Variants in SMARCA2 observed in about 807,000 individuals in gnomAD.
SMARCA2 encodes the protein SWI/SNF related BAF chromatin remodeling complex subunit ATPase 2, also known as SWI/SNF-related matrix-associated actin-dependent regulator of chromatin subfamily A member 2.
Under a neutral mutation model 199.8 loss-of-function variants are expected in SMARCA2, and 61 were observed. The observed-to-expected ratio is 0.31, with a 90% CI of 0.25 to 0.38. SMARCA2 has a LOEUF of 0.38. SMARCA2 is among the 10% of genes least tolerant of loss of function. The probability of loss-of-function intolerance (pLI) is 1.00; values close to 1 mark genes in which losing one functional copy is unlikely to be tolerated. For missense variants in SMARCA2, 1,344 were observed against 2,012.2 expected (o/e 0.67, Z 6.35); for synonymous variants, 935 against 732.0 (o/e 1.28, Z -4.48).
In SMARCA2 at chr9:2,136,115, C is replaced by G. The variant is rs572491518; in HGVS notation, c.3981+12178C>G. Among the ~76,000 whole-genome samples, 10 of 152,024 alleles carry G rather than the reference C, an allele frequency of 6.6e-5. No homozygotes were observed. The East Asian group carries it at 1.5e-3, about 24-fold the overall frequency. On this transcript the variant is annotated intron_variant, in intron 27 of 33. Transcript: ENST00000349721. Reference sequence around the variant, plus strand: ...TCAGCCTCCCAAAGTGCTGAGATTACAGGCATGAGCCATCGTGCCTGGCAA... The same window carrying G: ...TCAGCCTCCCAAAGTGCTGAGATTAGAGGCATGAGCCATCGTGCCTGGCAA...
chr9:2,126,954 G>A (rs1823724110), intron 27 of SMARCA2, among the ~76,000 whole-genome samples: 1 of 152,100 alleles, frequency 6.6e-6, no homozygotes, highest in African/African-American at 2.4e-5. Context: ...TTTTCCCTGG[G>A]GTGAAGAGAA....
intron 27 of SMARCA2, among the ~76,000 whole-genome samples, chr9:2,154,415 GT>G (rs140298917): frequency 3.9e-5 from 6 of 152,288 alleles, no homozygotes; most frequent in Non-Finnish European, 8.8e-5. Flanking sequence ...GATTTCTTCT[GT>G]TGCTTTATTT....
At chr9:2,173,257 ACT>A (rs1826353836) in intron 29 of SMARCA2, among the ~76,000 whole-genome samples, 2 of 152,012 alleles carry the variant, frequency 1.3e-5, no homozygotes, top group Admixed American at 6.5e-5. Flanking sequence ...GGACAGCTGA[ACT>A]CTCTACTTGG....
At chr9:2,094,657 G>A (rs1457068708) in intron 19 of SMARCA2, among the ~76,000 whole-genome samples, 1 of 152,198 alleles carries the variant, frequency 6.6e-6, no homozygotes, top group Non-Finnish European at 1.5e-5. Context: ...CCATTCAATA[G>A]CTATATCTTT....
Position 2,119,406 on chromosome 9 carries a change from G to C in SMARCA2, c.3685-52G>C, listed in dbSNP as rs542179696. 3.5e-4 allele frequency: 436 copies of C among 1,228,378 alleles called. No homozygotes were observed. The East Asian group carries it at 7.6e-3, about 21-fold the overall frequency. 76.1% of individuals were successfully genotyped at this position (1,228,378 alleles called of 1,614,324 possible). A position where few individuals can be genotyped will look rare whatever the true frequency, so the allele number is the denominator to read the frequency against. Reference sequence around the variant, plus strand: ...TGGAGGACAGATCACTTACTTGTTTGTACCTTGCCCCAGCTGTCCACTGGT... The same window carrying C: ...TGGAGGACAGATCACTTACTTGTTTCTACCTTGCCCCAGCTGTCCACTGGT... On this transcript the variant is annotated intron_variant, in intron 25 of 33. Coordinates refer to ENST00000349721, the MANE Select transcript of SMARCA2 (RefSeq NM_003070.5). The surrounding 1 kb of genome is among the most constrained non-coding windows in gnomAD (Gnocchi z 4.6).
At chr9:2,027,119 A>G (rs949324849) in intron 1 of SMARCA2, among the ~76,000 whole-genome samples, 10 of 152,184 alleles carry the variant, frequency 6.6e-5, no homozygotes, top group Non-Finnish European at 1.3e-4. Flanking sequence ...CACAACTCAA[A>G]CACTGATGAC....
At chr9:2,038,031 T>G (rs772838329) in intron 3 of SMARCA2, among the ~76,000 whole-genome samples, 1 of 152,244 alleles carries the variant, frequency 6.6e-6, no homozygotes, top group Non-Finnish European at 1.5e-5. Flanking sequence ...ATTTCCCATT[T>G]AGATCTCTTA....
rs1202000733 is a variant in SMARCA2 at position 2,047,550 on chromosome 9, G to T, written c.1046+66G>T. 11 of 1,231,902 alleles carry T rather than the reference G, an allele frequency of 8.9e-6. 1 individual carries two copies. Among genetic ancestry groups the T allele is most frequent in the Middle Eastern group, 4.5e-4 (2 of 4,402 alleles). The allele number at this position is 1,231,902 out of a possible 1,614,324, so 76.3% of individuals were successfully genotyped here. A position where few individuals can be genotyped will look rare whatever the true frequency, so the allele number is the denominator to read the frequency against. On this transcript the variant is annotated intron_variant, in intron 5 of 33. Coordinates refer to ENST00000349721, the MANE Select transcript of SMARCA2 (RefSeq NM_003070.5). ...AGCACCTGCCGCCCAAGCCGAGGGG[G>T]GTGAGGCGCCTGCCTCCTTGGTTGG...
intron 28 of SMARCA2, among the ~76,000 whole-genome samples, chr9:2,162,316 T>C (rs527781213): frequency 1.3e-5 from 2 of 152,348 alleles, no homozygotes; most frequent in East Asian, 3.9e-4. Context: ...TAAGACTGTT[T>C]AAAGCAAAAT....
At chr9:2,180,501 G>A (rs1826948532) in intron 29 of SMARCA2, among the ~76,000 whole-genome samples, 1 of 152,152 alleles carries the variant, frequency 6.6e-6, no homozygotes, top group Admixed American at 6.5e-5. Context: ...ATTCTCACAA[G>A]CTCCTAGAAT....
rs1464245892 is a variant in SMARCA2, at chr9:2,094,748, C to T, written c.2884-1909C>T. ...GCTAAATGTGGCTATCCCAGTACAG[C>T]TCTTTTGTGTGTTAAATGAGAGAAG... On this transcript the variant is annotated intron_variant, in intron 19 of 33. Coordinates refer to ENST00000349721, the MANE Select transcript of SMARCA2 (RefSeq NM_003070.5). Among the ~76,000 whole-genome samples the T allele has an allele frequency of 5.3e-5, 8 of 152,200 alleles. No individual in the cohort carries two copies. The South Asian group carries it at 8.3e-4, about 16-fold the overall frequency.
At chr9:2,061,662 C>A (rs1277740375) in intron 9 of SMARCA2, among the ~76,000 whole-genome samples, 1 of 152,122 alleles carries the variant, frequency 6.6e-6, no homozygotes, top group Admixed American at 6.5e-5. Context: ...GTCATCCAGT[C>A]GTCTAGTTAG....
rs117332075 is a variant in SMARCA2 at position 2,050,768 on chromosome 9, G to A, written c.1046+3284G>A. On this transcript the variant is annotated intron_variant, in intron 5 of 33. Coordinates refer to ENST00000349721, the MANE Select transcript of SMARCA2 (RefSeq NM_003070.5). ...TAAAGTGTCACTCAGCTCCTTGAAG[G>A]AACAAAATGTACCAGTGTCATTTTC... Among the ~76,000 whole-genome samples, 15 of 152,230 alleles carry A rather than the reference G, an allele frequency of 9.9e-5. 1 individual carries two copies. In the East Asian group the frequency reaches 2.9e-3, roughly 29 times the overall value.
intron 29 of SMARCA2, among the ~76,000 whole-genome samples, chr9:2,173,964 A>T (rs1042339253): frequency 2.6e-5 from 4 of 152,294 alleles, no homozygotes; most frequent in Admixed American, 1.3e-4. Flanking sequence ...TGCCCTCATT[A>T]CAAATATTGA....
intron 18 of SMARCA2, 29 bp downstream of exon 18, chr9:2,087,100 T>G: frequency 6.2e-7 from 1 of 1,612,572 alleles, no homozygotes; most frequent in African/African-American, 1.3e-5. Context: ...TTTTTTCCAC[T>G]GCATGATAAT....
intron 27 of SMARCA2, among the ~76,000 whole-genome samples, chr9:2,145,357 G>C (rs977412073): frequency 6.6e-6 from 1 of 151,158 alleles, no homozygotes; most frequent in African/African-American, 2.4e-5. Flanking sequence ...ACTATAGAAA[G>C]GAGAGATATT....
intron 9 of SMARCA2, among the ~76,000 whole-genome samples, chr9:2,070,099 A>T (rs2130410189): frequency 6.6e-6 from 1 of 152,192 alleles, no homozygotes; most frequent in East Asian, 1.9e-4. Context: ...CCCAAACACG[A>T]GAAGAACATT....
chr9:2,079,042 C>G (rs1821450221), intron 14 of SMARCA2, among the ~76,000 whole-genome samples: 1 of 152,126 alleles, frequency 6.6e-6, no homozygotes, highest in Non-Finnish European at 1.5e-5. Context: ...ATTACTATTT[C>G]TAACTTGAAT....
chr9:2,179,087 C>T lies in SMARCA2; in HGVS notation c.4254-2484C>T, dbSNP rs76374747. ...GGAAATACTTGGAGAGGAGAAAAAA[C>T]CACAGAGAACTTTCCAGCTATGGAG... On this transcript the variant is annotated intron_variant, in intron 29 of 33. Coordinates refer to ENST00000349721, the MANE Select transcript of SMARCA2 (RefSeq NM_003070.5). 7.3e-3 allele frequency among the ~76,000 whole-genome samples: 1,108 copies of T among 152,272 alleles called. 16 individuals carry two copies. The highest frequency in any genetic ancestry group is 0.026 in the African/African-American group (1,067 of 41,568).
Sources: gnomAD v4.1 joint callset for allele counts (sites outside exome capture counted in the v4.1 genomes callset) on GRCh38, gnomAD v4.1.1 for gene constraint, Gnocchi (gnomAD v3.1) non-coding constraint, MANE v1.5 for transcripts, NCBI Gene and HGNC (gene_info 2026-07-23, HGNC 2026-07-21) for gene names.